Variants in SLC4A4 observed in about 807,000 individuals in gnomAD.
SLC4A4 encodes electrogenic sodium bicarbonate cotransporter 1.
A neutral mutation model predicts 111.5 loss-of-function variants in SLC4A4; 27 were observed. The ratio of observed to expected loss-of-function variants is 0.24; its 90% CI spans 0.18 to 0.33. The LOEUF (loss-of-function observed/expected upper bound fraction) is 0.33. SLC4A4 is among the 10% of genes least tolerant of loss of function. SLC4A4 has a pLI of 1.00. For synonymous variants in SLC4A4, 443 were observed against 463.4 expected (o/e 0.96, Z 0.57); for missense variants, 909 against 1,315.5 (o/e 0.69, Z 4.78).
chr4:71,459,508 TTCA>T (rs1726615421), intron 12 of SLC4A4, among the ~76,000 whole-genome samples: 1 of 152,062 alleles, frequency 6.6e-6, no homozygotes, highest in Non-Finnish European at 1.5e-5. Context: ...GTCTTTCCAC[TTCA>T]GTATGAATAT....
At chr4:71,086,848 A>G (rs1372509131) in intron 1 of SLC4A4, among the ~76,000 whole-genome samples, 1 of 151,840 alleles carries the variant, frequency 6.6e-6, no homozygotes, top group Non-Finnish European at 1.5e-5. Context: ...TTCATCAGGG[A>G]TATTGGTCTA....
rs906530512 is a variant in SLC4A4, at chr4:71,418,198, T to A, written c.807+20545T>A. On this transcript the variant is annotated intron_variant, in intron 7 of 25. Coordinates refer to ENST00000264485, the MANE Select transcript of SLC4A4 (RefSeq NM_001098484.3). The stretch of plus-strand genomic sequence containing the variant: ...CTAATGGATTGTACTTAATGTTATA[T>A]TTAGTTTAATAGCCATTTGTAAATG... 3.9e-5 allele frequency among the ~76,000 whole-genome samples: 6 copies of A among 152,356 alleles called. No homozygotes were observed. In the South Asian group the frequency reaches 1.0e-3, roughly 26 times the overall value.
In SLC4A4 at chr4:71,487,008, C is replaced by A. The variant is rs768582917; in HGVS notation, c.1964C>A (p.Ser655Tyr). ...CCAGAGTATTTGCCAACTATGTCTTCTACTGACATGGTAAGTGACTTACTA... is the reference window on the plus strand; with the variant it reads ...CCAGAGTATTTGCCAACTATGTCTTATACTGACATGGTAAGTGACTTACTA... ...LAPEYLPTMSSTDMYHNTTFD... is the reference protein window; with the variant it reads ...LAPEYLPTMSYTDMYHNTTFD... The change falls in exon 15 of 26, where the codon TCT becomes TAT. Residue 655 changes from serine to tyrosine, a missense_variant. Ser to Tyr is a moderately radical substitution (Grantham distance 144). This residue lies in a region of SLC4A4 where 264 missense variants were observed against 356.8 expected (regional missense o/e 0.74). Coordinates refer to ENST00000264485, the MANE Select transcript of SLC4A4 (RefSeq NM_001098484.3). The A allele has an allele frequency of 1.9e-6, 3 of 1,587,466 alleles. No individual in the cohort carries two copies. In the South Asian group the frequency reaches 3.3e-5, roughly 18 times the overall value.
Position 71,377,347 on chromosome 4 carries a change from T to C in SLC4A4, c.730+20160T>C, listed in dbSNP as rs73828115. ...GAAGTGTGGTGGTAATAATTGAAAG[T>C]ATTGAAAGGGAAGGTTAAGAGTCAT... On this transcript the variant is annotated intron_variant, in intron 6 of 25. Transcript: ENST00000264485. Among the ~76,000 whole-genome samples the C allele has an allele frequency of 7.9e-3, 1,209 of 152,208 alleles. 16 individuals carry two copies. The highest frequency in any genetic ancestry group is 0.026 in the African/African-American group (1,070 of 41,512).
At chr4:71,462,509 A>G (rs1726937217) in intron 12 of SLC4A4, among the ~76,000 whole-genome samples, 1 of 150,968 alleles carries the variant, frequency 6.6e-6, no homozygotes, top group African/African-American at 2.4e-5. Flanking sequence ...CCTGGGTTCA[A>G]GCAATTCTCC....
chr4:71,452,470 A>G (rs931955808), intron 11 of SLC4A4, among the ~76,000 whole-genome samples: 1 of 152,174 alleles, frequency 6.6e-6, no homozygotes, highest in African/African-American at 2.4e-5. Flanking sequence ...TGTGAATACT[A>G]AGAAAACTGA....
intron 1 of SLC4A4, among the ~76,000 whole-genome samples, chr4:71,198,962 G>T (rs912413032): frequency 2.6e-4 from 39 of 152,200 alleles, no homozygotes; most frequent in Admixed American, 1.7e-3. Context: ...AAATCACTGG[G>T]TGGATTAAGT....
chr4:71,391,203 C>T (rs1309404767), intron 6 of SLC4A4, among the ~76,000 whole-genome samples: 1 of 151,996 alleles, frequency 6.6e-6, no homozygotes, highest in Non-Finnish European at 1.5e-5. Context: ...TCTTGTATGT[C>T]TATTACATGT....
chr4:71,124,318 C>T (rs1339271643), intron 2 of SLC4A4, among the ~76,000 whole-genome samples: 2 of 151,998 alleles, frequency 1.3e-5, no homozygotes, highest in Non-Finnish European at 2.9e-5. Context: ...ACTACAGGTG[C>T]CCGCCACCAT....
intron 1 of SLC4A4, among the ~76,000 whole-genome samples, chr4:71,089,813 GGGTGCTCCCAA>G (rs1419192884): frequency 2.0e-5 from 3 of 151,920 alleles, no homozygotes; most frequent in Non-Finnish European, 2.9e-5. Context: ...CCCTACTGGG[GGGTGCTCCCAA>G]TTAGGCTACT....
intron 2 of SLC4A4, among the ~76,000 whole-genome samples, chr4:71,105,864 A>G (rs1345655127): frequency 3.5e-5 from 5 of 143,136 alleles, no homozygotes; most frequent in African/African-American, 1.1e-4. Context: ...AGGCATGGGC[A>G]AGGACTTCAT....
chr4:71,293,729 G>C (rs1724564731), intron 3 of SLC4A4, among the ~76,000 whole-genome samples: 1 of 152,158 alleles, frequency 6.6e-6, no homozygotes, highest in Admixed American at 6.5e-5. Flanking sequence ...ATTCAGTAGT[G>C]GGGCTTCAGG....
At chr4:71,497,408 T>G in intron 15 of SLC4A4, 93 bp from the exon 16 acceptor site, 1 of 1,046,390 alleles carries the variant, frequency 9.6e-7, no homozygotes, top group Non-Finnish European at 1.4e-6. Flanking sequence ...TTACAGAAAC[T>G]TTTGGTATAA....
chr4:71,305,102 C>T (rs16846246), intron 3 of SLC4A4, among the ~76,000 whole-genome samples: 11,476 of 152,252 alleles, frequency 0.075, 779 homozygotes, highest in Admixed American at 0.21. Context: ...CTTATCATTT[C>T]TGTGAGTTCT....
In SLC4A4 at chr4:71,306,397, A is replaced by G. The variant is rs2060901; in HGVS notation, c.254-32973A>G. Reference sequence around the variant, plus strand: ...AGAGATTGAGACCATCCTGGCCAACATGGTGAAACCCTGTCTCTACTAAAA... The same window carrying G: ...AGAGATTGAGACCATCCTGGCCAACGTGGTGAAACCCTGTCTCTACTAAAA... On this transcript the variant is annotated intron_variant, in intron 3 of 25. Coordinates refer to ENST00000264485, the MANE Select transcript of SLC4A4 (RefSeq NM_001098484.3). Among the ~76,000 whole-genome samples, 1,394 of 152,262 alleles carry G rather than the reference A, an allele frequency of 9.2e-3. 21 individuals carry two copies. Among genetic ancestry groups the G allele is most frequent in the African/African-American group, 0.029 (1,204 of 41,540 alleles).
intron 6 of SLC4A4, among the ~76,000 whole-genome samples, chr4:71,370,864 G>A (rs1188672700): frequency 3.3e-5 from 5 of 152,258 alleles, no homozygotes; most frequent in East Asian, 3.9e-4. Flanking sequence ...TGGAAATATG[G>A]CAGCTATTTG....
intron 7 of SLC4A4, chr4:71,437,242 A>G: frequency 2.7e-6 from 1 of 371,476 alleles, no homozygotes; most frequent in South Asian, 2.5e-5. Flanking sequence ...TTCAGAGTGG[A>G]TATCAAGCCT....
intron 5 of SLC4A4, among the ~76,000 whole-genome samples, chr4:71,351,632 A>C (rs1729846236): frequency 6.6e-6 from 1 of 152,176 alleles, no homozygotes; most frequent in African/African-American, 2.4e-5. Flanking sequence ...AGGTGGGTGG[A>C]TCATTTGAGG....
chr4:71,560,933 G>A (rs1736928817), intron 23 of SLC4A4, among the ~76,000 whole-genome samples: 1 of 151,740 alleles, frequency 6.6e-6, no homozygotes, highest in Non-Finnish European at 1.5e-5. Flanking sequence ...TAGGAGACCA[G>A]CTCACAGAAA....
Sources: allele counts gnomAD v4.1 joint callset (sites outside exome capture counted in the v4.1 genomes callset), GRCh38; gene constraint gnomAD v4.1.1; regional missense constraint gnomAD v4.1.1; transcripts MANE v1.5; gene names NCBI Gene and HGNC (gene_info 2026-07-23, HGNC 2026-07-21).